Variants in SMYD3 observed in about 807,000 individuals in gnomAD.
SMYD3 encodes the protein histone-lysine N-methyltransferase SMYD3.
In SMYD3, 36 loss-of-function variants were observed where a neutral mutation model predicts 57.7. The ratio of observed to expected loss-of-function variants is 0.62; its 90% CI spans 0.48 to 0.82. The LOEUF is 0.82. SMYD3 is among the 40% of genes least tolerant of loss of function. The pLI is 0.00. For missense variants in SMYD3, 515 were observed against 538.8 expected, an observed-to-expected ratio of 0.96 and a Z score of 0.44; for synonymous variants, 211 against 195.0, an observed-to-expected ratio of 1.08 and a Z score of -0.68.
At chr1:246,430,933 A>T (rs1307995361) in intron 1 of SMYD3, among the ~76,000 whole-genome samples, 1 of 152,228 alleles carries the variant, frequency 6.6e-6, no homozygotes, top group Non-Finnish European at 1.5e-5. Context: ...AGTATGTAAG[A>T]AAAGAGAGAA....
chr1:246,064,779 G>C (rs13376689), intron 5 of SMYD3, among the ~76,000 whole-genome samples: 1 of 152,156 alleles, frequency 6.6e-6, no homozygotes, highest in Admixed American at 6.5e-5. Flanking sequence ...CTTCTAGACC[G>C]GACTGAACTT....
intron 1 of SMYD3, among the ~76,000 whole-genome samples, chr1:246,367,019 ATGTC>A: frequency 1.3e-5 from 2 of 152,182 alleles, no homozygotes; most frequent in Middle Eastern, 3.4e-3. Flanking sequence ...AGAAATGTCT[ATGTC>A]AAATCAAAAA....
At chr1:246,257,633 T>C (rs914218840) in intron 5 of SMYD3, among the ~76,000 whole-genome samples, 1 of 152,234 alleles carries the variant, frequency 6.6e-6, no homozygotes, top group Non-Finnish European at 1.5e-5. Context: ...AGGTTAATAT[T>C]CACATTTGAG....
At chr1:245,857,365 A>T (rs184601872) in intron 10 of SMYD3, among the ~76,000 whole-genome samples, 1 of 151,996 alleles carries the variant, frequency 6.6e-6, no homozygotes, top group African/African-American at 2.4e-5. Flanking sequence ...CCTTTGTCCA[A>T]ACAAATATCC....
chr1:245,979,799 C>G (rs1057278262), intron 5 of SMYD3, among the ~76,000 whole-genome samples: 1 of 152,234 alleles, frequency 6.6e-6, no homozygotes, highest in Non-Finnish European at 1.5e-5. Flanking sequence ...GCCCCGGCAG[C>G]TAGATGGTCT....
At chr1:246,485,261 A>G (rs1295554220) in intron 1 of SMYD3, among the ~76,000 whole-genome samples, 1 of 152,144 alleles carries the variant, frequency 6.6e-6, no homozygotes, top group Non-Finnish European at 1.5e-5. Context: ...CAACCAAAAT[A>G]CCTAAACTAC....
At chr1:245,968,865 G>A (rs1022659086) in intron 5 of SMYD3, among the ~76,000 whole-genome samples, 4 of 152,238 alleles carry the variant, frequency 2.6e-5, no homozygotes, top group African/African-American at 7.2e-5. Context: ...TTCATCAGTG[G>A]AGGCTTAGTT....
chr1:245,872,571 G>C lies in SMYD3; in HGVS notation c.814-8685C>G, dbSNP rs530514062. 3.4e-4 allele frequency among the ~76,000 whole-genome samples: 52 copies of C among 152,360 alleles called. No individual in the cohort carries two copies. In the South Asian group the frequency reaches 0.01, roughly 30 times the overall value. ...CTGAGGAGCACTTGGGCAACCAGGGGCTGTGAGCCCAATCCAAACAAAAAT... is the reference window on the plus strand; with the variant it reads ...CTGAGGAGCACTTGGGCAACCAGGGCCTGTGAGCCCAATCCAAACAAAAAT... On this transcript the variant is annotated intron_variant, in intron 8 of 11. Coordinates refer to ENST00000490107, the MANE Select transcript of SMYD3 (RefSeq NM_001167740.2).
intron 1 of SMYD3, among the ~76,000 whole-genome samples, chr1:246,505,496 A>G (rs980591764): frequency 2.0e-5 from 3 of 152,136 alleles, no homozygotes; most frequent in Admixed American, 1.3e-4. Flanking sequence ...GCAGAATCCA[A>G]TATTATCAGG....
rs558874213 is a variant in SMYD3 at position 245,871,621 on chromosome 1, G to A, written c.814-7735C>T. Among the ~76,000 whole-genome samples, 28 of 152,280 alleles carry A rather than the reference G, an allele frequency of 1.8e-4. 1 individual carries two copies. Among genetic ancestry groups the A allele is most frequent in the Non-Finnish European group, 4.0e-4 (27 of 68,018 alleles). On this transcript the variant is annotated intron_variant, in intron 8 of 11. Transcript: ENST00000490107. ...ACAGAAATTAGTGAAAAAGAATGCC[G>A]GGCTTGGAGCCATAAGATGTGGAAC...
intron 10 of SMYD3, among the ~76,000 whole-genome samples, chr1:245,847,908 C>T (rs754096861): frequency 7.9e-5 from 12 of 152,162 alleles, no homozygotes; most frequent in Non-Finnish European, 1.5e-4. Flanking sequence ...ATATATATTG[C>T]TCATACACAC....
chr1:246,442,315 G>C (rs1047751872), intron 1 of SMYD3, among the ~76,000 whole-genome samples: 3 of 152,154 alleles, frequency 2.0e-5, no homozygotes, highest in African/African-American at 7.2e-5. Context: ...CCAGCACTTT[G>C]GGAGGCCGAG....
At chr1:246,316,185 T>A (rs1449010011) in intron 5 of SMYD3, among the ~76,000 whole-genome samples, 1 of 152,200 alleles carries the variant, frequency 6.6e-6, no homozygotes, top group Non-Finnish European at 1.5e-5. Flanking sequence ...GAAAATTTTA[T>A]CTTTATGTTT....
chr1:246,003,124 A>G (rs1219375786), intron 5 of SMYD3, among the ~76,000 whole-genome samples: 1 of 152,216 alleles, frequency 6.6e-6, no homozygotes, highest in Non-Finnish European at 1.5e-5. Context: ...GGAGGGAAAG[A>G]CGGTAAAGGG....
intron 1 of SMYD3, among the ~76,000 whole-genome samples, chr1:246,383,071 AC>A (rs1476938728): frequency 6.6e-6 from 1 of 151,712 alleles, no homozygotes; most frequent in Non-Finnish European, 1.5e-5. Flanking sequence ...CTCCAGACCC[AC>A]CCCCATGGAC....
chr1:245,865,113 C>T (rs1206077795), intron 8 of SMYD3, among the ~76,000 whole-genome samples: 1 of 152,204 alleles, frequency 6.6e-6, no homozygotes, highest in African/African-American at 2.4e-5. Context: ...CATGTGTGCA[C>T]AATGCTGAAG....
chr1:246,332,058 G>T (rs1319854721), intron 3 of SMYD3, among the ~76,000 whole-genome samples: 2 of 152,142 alleles, frequency 1.3e-5, no homozygotes, highest in Non-Finnish European at 2.9e-5. Context: ...TTGAAATTAG[G>T]CCAATTAATA....
chr1:246,065,343 C>G (rs1050427165), intron 5 of SMYD3, among the ~76,000 whole-genome samples: 1 of 152,178 alleles, frequency 6.6e-6, no homozygotes, highest in Non-Finnish European at 1.5e-5. Context: ...CTTACTTTAT[C>G]CAGTCAATGT....
At chr1:245,872,505 C>A (rs1343398579) in intron 8 of SMYD3, among the ~76,000 whole-genome samples, 1 of 152,006 alleles carries the variant, frequency 6.6e-6, no homozygotes, top group Non-Finnish European at 1.5e-5. Context: ...GATGAGAGAG[C>A]CTTCTCCCGT....
Sources: gnomAD v4.1 joint callset for allele counts (sites outside exome capture counted in the v4.1 genomes callset) on GRCh38, gnomAD v4.1.1 for gene constraint, MANE v1.5 for transcripts, NCBI Gene and HGNC (gene_info 2026-07-23, HGNC 2026-07-21) for gene names.